SPAG1: variants seen among roughly 807,000 people sequenced by gnomAD.
SPAG1 encodes the protein sperm-associated antigen 1.
A neutral mutation model predicts 100.5 loss-of-function variants in SPAG1; 69 were observed. That is an observed-to-expected ratio of 0.69 (90% CI 0.57 to 0.84). SPAG1 has a LOEUF of 0.84. Among genes scored for constraint, SPAG1 ranks in the 40% least tolerant of loss-of-function variants. The probability of loss-of-function intolerance (pLI) is 0.00; values close to 1 mark genes in which losing one functional copy is unlikely to be tolerated. For missense variants in SPAG1, 955 were observed against 1,133.1 expected (o/e 0.84, Z 2.26); for synonymous variants, 336 against 411.6 (o/e 0.82, Z 2.22).
intron 10 of SPAG1, among the ~76,000 whole-genome samples, chr8:100,210,162 G>GA (rs1376044320): frequency 6.6e-6 from 1 of 151,044 alleles, no homozygotes; most frequent in Non-Finnish European, 1.5e-5. Flanking sequence ...TTATGTTGAG[G>GA]AATTTCACTT....
At chr8:100,192,870 G>A (rs1352484351) in intron 9 of SPAG1, among the ~76,000 whole-genome samples, 1 of 152,116 alleles carries the variant, frequency 6.6e-6, no homozygotes, top group East Asian at 1.9e-4. Flanking sequence ...GACCACAGGT[G>A]CACGCCACCT....
At chr8:100,208,763 T>C (rs541420405) in intron 10 of SPAG1, among the ~76,000 whole-genome samples, 27 of 152,236 alleles carry the variant, frequency 1.8e-4, no homozygotes, top group Admixed American at 3.9e-4. Context: ...CTTTATATTA[T>C]AGTATTTGGG....
chr8:100,188,174 T>G (rs900219460), intron 8 of SPAG1, among the ~76,000 whole-genome samples: 1 of 149,284 alleles, frequency 6.7e-6, no homozygotes, highest in African/African-American at 2.5e-5. Context: ...TTTTTTGAGA[T>G]AGGGTCTCAC....
At chr8:100,167,421 TA>T (rs1815610894) in intron 3 of SPAG1, among the ~76,000 whole-genome samples, 1 of 152,130 alleles carries the variant, frequency 6.6e-6, no homozygotes, top group Non-Finnish European at 1.5e-5. Flanking sequence ...AGATTAACAA[TA>T]AAAAACAGAA....
intron 10 of SPAG1, among the ~76,000 whole-genome samples, chr8:100,203,422 A>T (rs1036260661): frequency 6.6e-6 from 1 of 152,318 alleles, no homozygotes; most frequent in East Asian, 1.9e-4. Flanking sequence ...GGAACAGACT[A>T]TTAAGGATGC....
In SPAG1 at chr8:100,239,170, C is replaced by T. The variant is rs542451272; in HGVS notation, c.2116-70C>T. ...ACTGCACAGCTCACTACATCCACCC[C>T]ACTCCCACTCAGGTTACTCTAGGCT... On this transcript the variant is annotated intron_variant, in intron 16 of 18. Coordinates refer to ENST00000388798, the MANE Select transcript of SPAG1 (RefSeq NM_003114.5). This position sits in a 1 kb window ranked among gnomAD's most constrained non-coding sequence, Gnocchi z 5.0. 3 of 928,606 alleles carry T rather than the reference C, an allele frequency of 3.2e-6. No individual in the cohort carries two copies. Among genetic ancestry groups the T allele is most frequent in the Non-Finnish European group, 4.9e-6 (3 of 613,868 alleles). The allele number at this position is 928,606 out of a possible 1,614,324, so 57.5% of individuals were successfully genotyped here. A position where few individuals can be genotyped will look rare whatever the true frequency, so the allele number is the denominator to read the frequency against.
chr8:100,162,385 T>G lies in SPAG1; in HGVS notation c.105T>G (p.Asp35Glu), dbSNP rs759906925. 6.9e-6 allele frequency: 11 copies of G among 1,588,220 alleles called. 1 individual carries two copies. In the Admixed American group the frequency reaches 1.9e-4, roughly 28 times the overall value. ...TCAAATACATTGAAAAATGTTCAGA[T>G]GTTAAACATCTGGAAAAAATTCTTT... is the stretch of plus-strand genomic sequence containing the variant. ...LDFKYIEKCS[D>E]VKHLEKILCV... The change falls in exon 2 of 19, where the codon GAT (aspartate) becomes GAG (glutamate). Residue 35 changes from aspartate to glutamate, a missense_variant. Transcript: ENST00000388798.
intron 3 of SPAG1, among the ~76,000 whole-genome samples, chr8:100,171,115 C>A (rs1422527635): frequency 1.3e-5 from 2 of 152,058 alleles, no homozygotes. Flanking sequence ...AGATGATTTT[C>A]TTTGTAGTCT....
chr8:100,238,876 A>C (rs568972257), intron 16 of SPAG1, among the ~76,000 whole-genome samples: 2 of 152,164 alleles, frequency 1.3e-5, no homozygotes, highest in South Asian at 2.1e-4. Flanking sequence ...GTTAAGTAGG[A>C]TCTTAAGTTT....
chr8:100,238,005 G>C (rs62532743), intron 16 of SPAG1, among the ~76,000 whole-genome samples: 1 of 152,092 alleles, frequency 6.6e-6, no homozygotes, highest in Non-Finnish European at 1.5e-5. Flanking sequence ...TTTAAAATGG[G>C]AACAATAGAA....
chr8:100,193,709 C>G (rs2453663), intron 9 of SPAG1, among the ~76,000 whole-genome samples: 94,896 of 151,990 alleles, frequency 0.62, 29,969 homozygotes, highest in African/African-American at 0.71. Flanking sequence ...TTGATCCCAC[C>G]GTTTGAGACT....
At chr8:100,229,644 G>A (rs989682671) in intron 14 of SPAG1, among the ~76,000 whole-genome samples, 1 of 152,196 alleles carries the variant, frequency 6.6e-6, no homozygotes, top group Non-Finnish European at 1.5e-5. Flanking sequence ...GGTCTGAATA[G>A]GAGAGGGGTG....
intron 10 of SPAG1, among the ~76,000 whole-genome samples, chr8:100,206,509 A>G (rs1354726116): frequency 2.0e-5 from 3 of 152,202 alleles, no homozygotes; most frequent in South Asian, 2.1e-4. Flanking sequence ...TAGCAAACAC[A>G]CTGGACTTAT....
rs1410946276 is a variant in SPAG1 at position 100,213,340 on chromosome 8, G to A, written c.1347G>A (p.Lys449=). 16 of 1,362,768 alleles carry A rather than the reference G, an allele frequency of 1.2e-5. No individual in the cohort carries two copies. The highest frequency in any genetic ancestry group is 1.4e-5 in the Non-Finnish European group (15 of 1,053,598). 84.4% of individuals were successfully genotyped at this position (1,362,768 alleles called of 1,614,324 possible). The change falls in exon 11 of 19, where the codon AAG becomes AAA. Residue 449 remains lysine (K), a synonymous_variant. Coordinates refer to ENST00000388798, the MANE Select transcript of SPAG1 (RefSeq NM_003114.5). ...GQGAENPAGL[K]SQGNELFRSG... is the part of the protein sequence containing the mutation. The stretch of plus-strand genomic sequence containing the variant: ...GCGCGGAGAACCCTGCCGGCCTGAA[G>A]AGCCAGGGCAACGAGCTGTTCCGAA...
At chr8:100,229,454 A>C (rs781358218) in intron 14 of SPAG1, among the ~76,000 whole-genome samples, 11 of 152,086 alleles carry the variant, frequency 7.2e-5, no homozygotes, top group Admixed American at 3.3e-4. Context: ...ACAAAAAAAA[A>C]CAAAAGAATG....
chr8:100,226,515 C>T (rs1034059007), intron 14 of SPAG1, among the ~76,000 whole-genome samples: 5 of 152,016 alleles, frequency 3.3e-5, no homozygotes, highest in Admixed American at 2.0e-4. Context: ...CCAGCCGGGG[C>T]AATATGGCGA....
intron 16 of SPAG1, among the ~76,000 whole-genome samples, chr8:100,235,680 G>A (rs1240529948): frequency 6.6e-6 from 1 of 152,128 alleles, no homozygotes. Context: ...GACCACCCAG[G>A]TGCACTGAAT....
At chr8:100,231,819 A>AGGC (rs1483456619) in intron 15 of SPAG1, among the ~76,000 whole-genome samples, 1 of 152,100 alleles carries the variant, frequency 6.6e-6, no homozygotes, top group Non-Finnish European at 1.5e-5. Flanking sequence ...AAAATTAGCC[A>AGGC]GGCGCAGCGG....
At chr8:100,198,984 AT>A (rs1189500150) in intron 10 of SPAG1, among the ~76,000 whole-genome samples, 2 of 152,216 alleles carry the variant, frequency 1.3e-5, no homozygotes, top group Non-Finnish European at 2.9e-5. Flanking sequence ...ATAATATTCC[AT>A]TGTGTAGATA....
Sources: gnomAD v4.1 joint callset for allele counts (sites outside exome capture counted in the v4.1 genomes callset) on GRCh38, gnomAD v4.1.1 for gene constraint, Gnocchi (gnomAD v3.1) non-coding constraint, MANE v1.5 for transcripts, NCBI Gene and HGNC (gene_info 2026-07-23, HGNC 2026-07-21) for gene names.